The following GPC5 variants were observed in gnomAD, a reference collection of about 807,000 sequenced individuals.
GPC5 encodes glypican 5.
A neutral mutation model predicts 53.9 loss-of-function variants in GPC5; 47 were observed. The ratio of observed to expected loss-of-function variants is 0.87; its 90% CI spans 0.69 to 1.11. GPC5 has a LOEUF of 1.11. Among genes scored for constraint, GPC5 ranks in the 50% most tolerant of loss-of-function variants. The pLI is 0.00. For missense variants in GPC5, 748 were observed against 713.1 expected (o/e 1.05, Z -0.56); for synonymous variants, 286 against 263.3 (o/e 1.09, Z -0.84).
At chr13:92,468,124 C>A (rs937388698) in intron 7 of GPC5, among the ~76,000 whole-genome samples, 1 of 151,740 alleles carries the variant, frequency 6.6e-6, no homozygotes, top group African/African-American at 2.4e-5. Flanking sequence ...TCTTTATAGG[C>A]GAAAATAGTA....
intron 5 of GPC5, among the ~76,000 whole-genome samples, chr13:91,813,107 T>A (rs2038339210): frequency 6.6e-6 from 1 of 152,234 alleles, no homozygotes; most frequent in Non-Finnish European, 1.5e-5. Flanking sequence ...CTTATACTTG[T>A]CACCTTTTGT....
chr13:92,364,279 A>G lies in GPC5; in HGVS notation c.1561+219290A>G, dbSNP rs961331899. On this transcript the variant is annotated intron_variant, in intron 7 of 7. Coordinates refer to ENST00000377067, the MANE Select transcript of GPC5 (RefSeq NM_004466.6). ...CCAATATTTTCTGAAGAAACGCTAGAAATACACAATGGCAATTGAATTATT... is the reference window on the plus strand; with the variant it reads ...CCAATATTTTCTGAAGAAACGCTAGGAATACACAATGGCAATTGAATTATT... Among the ~76,000 whole-genome samples the G allele has an allele frequency of 3.5e-4, 53 of 151,874 alleles. 2 individuals carry two copies. Among genetic ancestry groups the G allele is most frequent in the African/African-American group, 1.3e-3 (52 of 41,106 alleles).
At chr13:92,732,144 A>G (rs9523791) in intron 7 of GPC5, among the ~76,000 whole-genome samples, 32,540 of 151,356 alleles carry the variant, frequency 0.21, 3,570 homozygotes, top group Non-Finnish European at 0.25. Flanking sequence ...ACTTAGAAAA[A>G]GAACAGGTAT....
chr13:91,988,830 C>T (rs2040432020), intron 6 of GPC5, among the ~76,000 whole-genome samples: 1 of 149,674 alleles, frequency 6.7e-6, no homozygotes, highest in South Asian at 2.1e-4. Flanking sequence ...GTCTTCCTTG[C>T]TTGATTAGCA....
In GPC5 at chr13:91,838,388, CA is replaced by C. The variant is rs1246328276; in HGVS notation, c.1281-69548del. ...GCCATACTGATTATTCAATAATTTTCATAACACCCCTACAGAAGAACACAAG... is the reference window on the plus strand; with the variant it reads ...GCCATACTGATTATTCAATAATTTTCTAACACCCCTACAGAAGAACACAAG... On this transcript the variant is annotated intron_variant, in intron 5 of 7. Transcript: ENST00000377067. Among the ~76,000 whole-genome samples the C allele has an allele frequency of 5.9e-5, 9 of 152,158 alleles. No homozygotes were observed. In the East Asian group the frequency reaches 1.5e-3, roughly 26 times the overall value.
chr13:91,596,362 A>G (rs2032994798), intron 2 of GPC5, among the ~76,000 whole-genome samples: 1 of 152,218 alleles, frequency 6.6e-6, no homozygotes, highest in African/African-American at 2.4e-5. Context: ...TTACATTAGT[A>G]TGGCTAGATC....
At chr13:92,743,880 A>G (rs543939873) in intron 7 of GPC5, among the ~76,000 whole-genome samples, 1 of 152,276 alleles carries the variant, frequency 6.6e-6, no homozygotes, top group Admixed American at 6.5e-5. Flanking sequence ...TATATGCTGG[A>G]TTACGTTTAT....
At chr13:92,807,625 G>A (rs1171190295) in intron 7 of GPC5, among the ~76,000 whole-genome samples, 1 of 152,086 alleles carries the variant, frequency 6.6e-6, no homozygotes. Flanking sequence ...TGGCAGGGGA[G>A]TGACTGGGAA....
At chr13:91,799,047 G>A (rs12872490) in intron 5 of GPC5, among the ~76,000 whole-genome samples, 22 of 152,036 alleles carry the variant, frequency 1.4e-4, no homozygotes, top group African/African-American at 3.4e-4. Context: ...GTTCCTTACC[G>A]TACTATTCAC....
chr13:91,681,274 G>A (rs750054604), intron 2 of GPC5, among the ~76,000 whole-genome samples: 1 of 152,140 alleles, frequency 6.6e-6, no homozygotes, highest in African/African-American at 2.4e-5. Context: ...AGGAATGAGT[G>A]AAAGAAACAA....
At chr13:92,276,996 CT>C (rs71200573) in intron 7 of GPC5, among the ~76,000 whole-genome samples, 2 of 151,158 alleles carry the variant, frequency 1.3e-5, no homozygotes, top group East Asian at 1.9e-4. Context: ...GTCTCTCTCT[CT>C]TTTTTTTTCT....
intron 7 of GPC5, among the ~76,000 whole-genome samples, chr13:92,470,793 T>C (rs1463807558): frequency 6.6e-6 from 1 of 152,186 alleles, no homozygotes; most frequent in Non-Finnish European, 1.5e-5. Flanking sequence ...TGGGTGTAAA[T>C]ATTAGGGCTC....
intron 7 of GPC5, among the ~76,000 whole-genome samples, chr13:92,577,786 G>A (rs1335872814): frequency 2.0e-5 from 3 of 152,028 alleles, no homozygotes; most frequent in African/African-American, 7.2e-5. Context: ...AGAAGAAAAA[G>A]TAAATAGCAT....
intron 2 of GPC5, among the ~76,000 whole-genome samples, chr13:91,453,385 A>G (rs1881320503): frequency 6.6e-6 from 1 of 152,050 alleles, no homozygotes. Context: ...ATGTATATAT[A>G]TAGCAAAAGA....
chr13:92,857,822 A>G (rs1257522785), intron 7 of GPC5, among the ~76,000 whole-genome samples: 1 of 152,162 alleles, frequency 6.6e-6, no homozygotes, highest in East Asian at 1.9e-4. Context: ...AAAAAACAAC[A>G]GATGCTGGCA....
At chr13:91,579,397 A>G (rs2032262810) in intron 2 of GPC5, among the ~76,000 whole-genome samples, 1 of 152,110 alleles carries the variant, frequency 6.6e-6, no homozygotes, top group African/African-American at 2.4e-5. Flanking sequence ...AGAGTGCTGT[A>G]ACATTTTATA....
intron 2 of GPC5, among the ~76,000 whole-genome samples, chr13:91,663,466 T>C (rs1372192326): frequency 6.6e-6 from 1 of 152,156 alleles, no homozygotes; most frequent in African/African-American, 2.4e-5. Context: ...TTTCTTTGCT[T>C]TTCTTTTTAG....
At chr13:92,047,758 C>G (rs189711786) in intron 6 of GPC5, among the ~76,000 whole-genome samples, 36 of 139,096 alleles carry the variant, frequency 2.6e-4, no homozygotes, top group African/African-American at 9.6e-4. Context: ...ATCATGAGGT[C>G]AGGAGATCGA....
chr13:91,603,528 G>A (rs190755571), intron 2 of GPC5, among the ~76,000 whole-genome samples: 1 of 152,274 alleles, frequency 6.6e-6, no homozygotes, highest in East Asian at 1.9e-4. Flanking sequence ...ATGTCCACAG[G>A]GATATCTTTG....
Sources: gnomAD v4.1 joint callset for allele counts (sites outside exome capture counted in the v4.1 genomes callset) on GRCh38, gnomAD v4.1.1 for gene constraint, MANE v1.5 for transcripts, NCBI Gene and HGNC (gene_info 2026-07-23, HGNC 2026-07-21) for gene names.